The following CMYA5 variants were observed in gnomAD, a reference collection of about 807,000 sequenced individuals.
The protein encoded by CMYA5 is cardiomyopathy-associated protein 5.
CMYA5 carries 246 observed loss-of-function variants against 318.9 expected under a neutral mutation model. That is an observed-to-expected ratio of 0.77 (90% CI 0.70 to 0.86). The LOEUF is 0.86. Ranked by LOEUF, CMYA5 falls within the 40% of genes least tolerant of loss-of-function variation. The pLI is 0.00. For missense variants in CMYA5, 4,589 were observed against 4,678.2 expected, an observed-to-expected ratio of 0.98 and a Z score of 0.56; for synonymous variants, 1,641 against 1,729.5, an observed-to-expected ratio of 0.95 and a Z score of 1.27.
In CMYA5 at chr5:79,793,548, G is replaced by A. The variant is rs1408499973; in HGVS notation, c.11901G>A (p.Val3967=). ...YRLGICSSSA[V]QAGALGQGET... The stretch of plus-strand genomic sequence containing the variant: ...TCGGCATCTGCTCCAGCTCGGCTGT[G>A]CAGGCAGGTGCCCTAGGACAAGGGG... Residue 3967 remains valine, a synonymous_variant, in exon 12 of 13, where the codon GTG becomes GTA. Transcript: ENST00000446378. The A allele has an allele frequency of 3.7e-6, 6 of 1,613,714 alleles. No individual in the cohort carries two copies. The highest frequency in any genetic ancestry group is 5.1e-6 in the Non-Finnish European group (6 of 1,179,786).
At position 79,738,173 on chromosome 5, in the gene CMYA5, T is replaced by C; in HGVS notation, c.9408T>C (p.Ala3136=). 1.2e-6 allele frequency: 2 copies of C among 1,613,860 alleles called. No homozygotes were observed. The highest frequency in any genetic ancestry group is 1.7e-6 in the Non-Finnish European group (2 of 1,179,860). Residue 3136 remains alanine (A), a synonymous_variant, in exon 2 of 13, where the codon GCT becomes GCC. Transcript: ENST00000446378. ...SHPETQSQNS[A]DRNVSKDTKR... ...CAGAGACCCAAAGCCAAAACTCAGC[T>C]GACAGGAATGTTTCAAAGGACACAA...
intron 12 of CMYA5, among the ~76,000 whole-genome samples, 171 bp downstream of exon 12, chr5:79,793,781 C>T (rs1005015426): frequency 6.6e-6 from 1 of 152,202 alleles, no homozygotes; most frequent in African/African-American, 2.4e-5. Flanking sequence ...ACTCTGATTA[C>T]TGAGGAAGCT....
intron 1 of CMYA5, among the ~76,000 whole-genome samples, chr5:79,700,978 C>T (rs1472617667): frequency 6.6e-6 from 1 of 151,556 alleles, no homozygotes; most frequent in Non-Finnish European, 1.5e-5. Flanking sequence ...GGCGCAGTGG[C>T]TCACACCTGT....
chr5:79,725,318 AT>A (rs1228462508), intron 1 of CMYA5, among the ~76,000 whole-genome samples: 1 of 152,242 alleles, frequency 6.6e-6, no homozygotes, highest in African/African-American at 2.4e-5. Flanking sequence ...TTGCAGCAAT[AT>A]GAATGCAGCT....
At chr5:79,788,919 C>G in intron 9 of CMYA5, 52 bp from the exon 10 acceptor site, 1 of 1,539,840 alleles carries the variant, frequency 6.5e-7, no homozygotes, top group South Asian at 1.2e-5. Flanking sequence ...AAATAGGAAT[C>G]ATTTAGCATG....
At chr5:79,728,417 G>A (rs2151083627) in intron 1 of CMYA5, among the ~76,000 whole-genome samples, 1 of 152,100 alleles carries the variant, frequency 6.6e-6, no homozygotes, top group South Asian at 2.1e-4. Flanking sequence ...CTGGGAGGAT[G>A]CGGCACAGTG....
intron 12 of CMYA5, among the ~76,000 whole-genome samples, chr5:79,797,413 A>G (rs1829294301): frequency 6.6e-6 from 1 of 152,254 alleles, no homozygotes; most frequent in South Asian, 2.1e-4. Flanking sequence ...TCACATAGTA[A>G]TTCTTTTAAC....
At chr5:79,717,748 T>G (rs181271702) in intron 1 of CMYA5, among the ~76,000 whole-genome samples, 3 of 152,340 alleles carry the variant, frequency 2.0e-5, no homozygotes, top group Admixed American at 2.0e-4. Flanking sequence ...TGATGTTGAA[T>G]GGCCTTTAGT....
intron 7 of CMYA5, among the ~76,000 whole-genome samples, chr5:79,761,513 A>G (rs1828650577): frequency 6.6e-6 from 1 of 152,206 alleles, no homozygotes; most frequent in African/African-American, 2.4e-5. Flanking sequence ...TGTAATTTTA[A>G]TATTCGCTAC....
At chr5:79,690,083 A>G in intron 1 of CMYA5, 27 bp downstream of exon 1, 1 of 1,397,222 alleles carries the variant, frequency 7.2e-7, no homozygotes, top group African/African-American at 1.5e-5. Flanking sequence ...TCCTCGGCCC[A>G]GGGCCTGCAG....
In CMYA5 at chr5:79,735,048, C is replaced by T. The variant is rs1828021454; in HGVS notation, c.6283C>T (p.Pro2095Ser). 6.2e-7 allele frequency: 1 copy of T among 1,613,870 alleles called. No homozygotes were observed. The change falls in exon 2 of 13, where the codon CCT becomes TCT. Residue 2095 changes from proline (P) to serine (S), a missense_variant. This residue lies in a region of CMYA5 where 2,431 missense variants were observed against 2,495.1 expected (regional missense o/e 0.97). Coordinates refer to ENST00000446378, the MANE Select transcript of CMYA5 (RefSeq NM_153610.5). ...NEKEAHRSTP[P>S]FPEEKPLEES... Reference sequence around the variant, plus strand: ...AAAAGAAGCACACAGGAGCACACCTCCTTTTCCTGAAGAGAAGCCATTGGA... The same window carrying T: ...AAAAGAAGCACACAGGAGCACACCTTCTTTTCCTGAAGAGAAGCCATTGGA...
At position 79,734,125 on chromosome 5, in the gene CMYA5, T is replaced by C; in HGVS notation, c.5360T>C (p.Leu1787Ser). ...NLKAQVMGDILDKLSEETGHP... is the reference protein window; with the variant it reads ...NLKAQVMGDISDKLSEETGHP... Reference sequence around the variant, plus strand: ...AAGGCACAAGTCATGGGAGATATTTTAGATAAGCTAAGTGAAGAAACAGGC... The same window carrying C: ...AAGGCACAAGTCATGGGAGATATTTCAGATAAGCTAAGTGAAGAAACAGGC... Residue 1787 changes from leucine (L) to serine (S), a missense_variant, in exon 2 of 13, where the codon TTA becomes TCA. Leu to Ser is a moderately radical substitution (Grantham distance 145). This residue lies in a region of CMYA5 where 2,132 missense variants were observed against 2,131.3 expected (regional missense o/e 1.00). Transcript: ENST00000446378. 6.2e-7 allele frequency: 1 copy of C among 1,613,732 alleles called. No individual in the cohort carries two copies. The highest frequency in any genetic ancestry group is 8.5e-7 in the Non-Finnish European group (1 of 1,179,788).
chr5:79,758,237 T>TA (rs201514962), intron 6 of CMYA5, among the ~76,000 whole-genome samples: 65 of 130,918 alleles, frequency 5.0e-4, no homozygotes, highest in African/African-American at 1.2e-3. Context: ...CTCAACAGAT[T>TA]AAAAAAAAAA....
At chr5:79,726,888 C>G (rs6880680) in intron 1 of CMYA5, among the ~76,000 whole-genome samples, 31,186 of 147,420 alleles carry the variant, frequency 0.21, 6,007 homozygotes, top group African/African-American at 0.51. Context: ...AGTGTCAGAG[C>G]TAGGATTGTT....
intron 5 of CMYA5, among the ~76,000 whole-genome samples, chr5:79,750,925 T>A (rs1828417596): frequency 6.6e-6 from 1 of 152,174 alleles, no homozygotes; most frequent in African/African-American, 2.4e-5. Context: ...TGTCCTACAT[T>A]AATACACATC....
At chr5:79,745,154 C>CAAA (rs35310955) in intron 3 of CMYA5, 68 bp from the exon 4 acceptor site, 162 of 881,792 alleles carry the variant, frequency 1.8e-4, no homozygotes, top group Middle Eastern at 5.4e-4. Context: ...CTGGTGTTTC[C>CAAA]AAAAAAAAAA....
chr5:79,734,445 T>A lies in CMYA5; in HGVS notation c.5680T>A (p.Trp1894Arg). 1 of 1,613,694 alleles carries A rather than the reference T, an allele frequency of 6.2e-7. No individual in the cohort carries two copies. Among genetic ancestry groups the A allele is most frequent in the Non-Finnish European group, 8.5e-7 (1 of 1,179,786 alleles). The part of the protein sequence containing the change: ...EFFISPKDEN[W>R]MLGKPENVAS... ...CTTTATTTCTCCAAAGGATGAAAAC[T>A]GGATGTTGGGAAAGCCAGAAAATGT... The change falls in exon 2 of 13, where the codon TGG becomes AGG. Residue 1894 changes from tryptophan (W) to arginine (R), a missense_variant. Around this residue, in one of 3 missense-constraint regions of CMYA5, gnomAD observed 26 missense variants for 51.8 expected, o/e 0.50. Coordinates refer to ENST00000446378, the MANE Select transcript of CMYA5 (RefSeq NM_153610.5).
chr5:79,773,523 A>G (rs1422459498), intron 9 of CMYA5, among the ~76,000 whole-genome samples: 2 of 152,194 alleles, frequency 1.3e-5, no homozygotes, highest in South Asian at 4.1e-4. Context: ...CAAAAACTCT[A>G]TAGTACTAAA....
chr5:79,752,748 T>A lies in CMYA5; in HGVS notation c.11064T>A (p.Tyr3688Ter). ...MPAAFSLFEH[Y>*]DDSSARSDQM... ...CTGCGTTTTCCCTTTTCGAACATTA[T>A]GATGACAGCTCGGCAAGAAGTGACC... Residue 3688 changes from tyrosine (Y) to a stop codon, truncating the protein, a stop_gained, in exon 6 of 13, where the codon TAT becomes TAA. Coordinates refer to ENST00000446378, the MANE Select transcript of CMYA5 (RefSeq NM_153610.5). LOFTEE classifies it high-confidence loss of function. 1 of 1,613,788 alleles carries A rather than the reference T, an allele frequency of 6.2e-7. No individual in the cohort carries two copies. Among genetic ancestry groups the A allele is most frequent in the Non-Finnish European group, 8.5e-7 (1 of 1,179,720 alleles).
Sources: gnomAD v4.1 joint callset for allele counts (sites outside exome capture counted in the v4.1 genomes callset) on GRCh38, gnomAD v4.1.1 for gene constraint, gnomAD v4.1.1 regional missense constraint, MANE v1.5 for transcripts, NCBI Gene and HGNC (gene_info 2026-07-23, HGNC 2026-07-21) for gene names.